The following ACSM2B variants were observed in gnomAD, a reference collection of about 807,000 sequenced individuals.
The protein encoded by ACSM2B is acyl-coenzyme A synthetase ACSM2B, mitochondrial.
A neutral mutation model predicts 78.6 loss-of-function variants in ACSM2B; 58 were observed. That is an observed-to-expected ratio of 0.74 (90% confidence interval 0.60 to 0.92). ACSM2B has a LOEUF of 0.92. Ranked by LOEUF, ACSM2B falls within the 40% of genes least tolerant of loss-of-function variation. The pLI, the probability that ACSM2B is intolerant of heterozygous loss-of-function variation, is 0.00. For missense variants in ACSM2B, 688 were observed against 711.2 expected (o/e 0.97, Z 0.37); for synonymous variants, 257 against 256.8 (o/e 1.00, Z -0.01).
chr16:20,570,954 T>C (rs1430688190), intron 1 of ACSM2B, among the ~76,000 whole-genome samples: 2 of 151,584 alleles, frequency 1.3e-5, no homozygotes, highest in East Asian at 3.9e-4. Context: ...TATTTGGATT[T>C]TCTCTCTTCT....
Position 20,546,431 on chromosome 16 carries a change from C to A in ACSM2B, c.1142G>T (p.Gly381Val). 6.2e-7 allele frequency: 1 copy of A among 1,609,878 alleles called. No homozygotes were observed. Among genetic ancestry groups the A allele is most frequent in the Non-Finnish European group, 8.5e-7 (1 of 1,177,134 alleles). ...ACAGGAAGCAGCCGTTCCCATGTAT[C>A]CTGGTTTGATTTTCATTGTCTTGGA... ...MVSKTMKIKP[G>V]YMGTAASCYD... Residue 381 changes from glycine to valine, a missense_variant, in exon 9 of 14, where the codon GGA becomes GTA. Coordinates refer to ENST00000329697, the MANE Select transcript of ACSM2B (RefSeq NM_001105069.2).
chr16:20,569,545 G>A (rs1236935650), intron 1 of ACSM2B, among the ~76,000 whole-genome samples: 3 of 151,724 alleles, frequency 2.0e-5, no homozygotes, highest in African/African-American at 4.8e-5. Context: ...GTCTTGCTTT[G>A]GCTATGATGA....
rs536579577 is a variant in ACSM2B, at chr16:20,549,755, A to G, written c.895-1282T>C. On this transcript the variant is annotated intron_variant, in intron 6 of 13. Transcript: ENST00000329697. ...TTTAGGGAGACATAAGACATCAATC[A>G]AACACATTTAAAAAATACATTGGTT... 3.6e-4 allele frequency: 161 copies of G among 450,404 alleles called. 1 individual carries two copies. Among genetic ancestry groups the G allele is most frequent in the South Asian group, 2.2e-3 (141 of 63,436 alleles). The allele number at this position is 450,404 out of a possible 1,614,324, so 27.9% of individuals were successfully genotyped here.
chr16:20,572,677 C>G (rs1292336278), intron 1 of ACSM2B, among the ~76,000 whole-genome samples: 1 of 151,200 alleles, frequency 6.6e-6, no homozygotes, highest in Non-Finnish European at 1.5e-5. Context: ...ATTTCCCAAA[C>G]TTTTAGATGT....
intron 1 of ACSM2B, chr16:20,575,349 T>A (rs1292313572): frequency 6.6e-6 from 1 of 151,738 alleles, no homozygotes; most frequent in African/African-American, 2.4e-5. Flanking sequence ...TTACTAAGTA[T>A]TAACATATGT....
rs761259571 is a variant in ACSM2B, at chr16:20,555,481, A to G, written c.389-5T>C. ...TTCCAGGCATAAAGATGAGACCTAA[A>G]GAAGCCAACAATTTAGAGAATTGGA... On this transcript the variant is annotated splice_region_variant and splice_polypyrimidine_tract_variant and intron_variant, in intron 3 of 13. Coordinates refer to ENST00000329697, the MANE Select transcript of ACSM2B (RefSeq NM_001105069.2). The G allele has an allele frequency of 1.2e-6, 2 of 1,611,756 alleles. No individual in the cohort carries two copies. The highest frequency in any genetic ancestry group is 1.1e-5 in the South Asian group (1 of 90,994).
intron 1 of ACSM2B, among the ~76,000 whole-genome samples, chr16:20,565,315 G>A (rs2015792406): frequency 6.6e-6 from 1 of 152,158 alleles, no homozygotes; most frequent in Non-Finnish European, 1.5e-5. Flanking sequence ...TCAATGAGAT[G>A]TGAGTGTCTG....
chr16:20,566,750 C>CTG (rs1491549098), intron 1 of ACSM2B, among the ~76,000 whole-genome samples: 1 of 42,442 alleles, frequency 2.4e-5, no homozygotes, highest in East Asian at 1.8e-3. Flanking sequence ...ACTATATATA[C>CTG]TATATATAGT....
intron 1 of ACSM2B, among the ~76,000 whole-genome samples, chr16:20,569,077 A>G (rs937483266): frequency 4.0e-5 from 6 of 151,792 alleles, no homozygotes; most frequent in African/African-American, 1.5e-4. Context: ...CTTAAGTCCC[A>G]TCTATTTATC....
At chr16:20,564,298 C>T (rs932632714) in intron 2 of ACSM2B, among the ~76,000 whole-genome samples, 7 of 151,630 alleles carry the variant, frequency 4.6e-5, no homozygotes, top group Non-Finnish European at 7.4e-5. Flanking sequence ...CAGAGTCTCG[C>T]TGTGTTGCCC....
chr16:20,566,127 T>A (rs1332245774), intron 1 of ACSM2B, among the ~76,000 whole-genome samples: 2 of 145,808 alleles, frequency 1.4e-5, no homozygotes, highest in Non-Finnish European at 3.0e-5. Flanking sequence ...AAAATTCTAT[T>A]TTTATATATA....
chr16:20,540,223 T>TG (rs2014947256), intron 13 of ACSM2B, among the ~76,000 whole-genome samples: 6 of 52,896 alleles, frequency 1.1e-4, no homozygotes, highest in Non-Finnish European at 3.1e-4. Flanking sequence ...GTTTTTTTTT[T>TG]GTTTTTTTTT....
At chr16:20,555,535 G>T (rs1473404795) in intron 3 of ACSM2B, 59 bp from the exon 4 acceptor site, 1 of 1,604,414 alleles carries the variant, frequency 6.2e-7, no homozygotes, top group East Asian at 2.2e-5. Context: ...CCCTAGAGAA[G>T]CCTGAGATAA....
At chr16:20,541,285 T>C (rs2152131440) in intron 12 of ACSM2B, 1 of 158,660 alleles carries the variant, frequency 6.3e-6, no homozygotes, top group East Asian at 1.8e-4. Flanking sequence ...TTCTGTGTGA[T>C]GTGTTCTGTA....
chr16:20,567,572 T>G (rs1567219422), intron 1 of ACSM2B, among the ~76,000 whole-genome samples: 1 of 132,604 alleles, frequency 7.5e-6, no homozygotes, highest in Non-Finnish European at 1.6e-5. Context: ...AAATTATATA[T>G]AAAAATATAT....
chr16:20,555,537 C>T (rs953790376), intron 3 of ACSM2B, 61 bp from the exon 4 acceptor site: 11 of 1,603,658 alleles, frequency 6.9e-6, no homozygotes, highest in Admixed American at 5.1e-5. Flanking sequence ...CTAGAGAAGC[C>T]TGAGATAAAC....
At chr16:20,553,598 T>C (rs946143385) in intron 5 of ACSM2B, among the ~76,000 whole-genome samples, 179 bp downstream of exon 5, 4 of 152,204 alleles carry the variant, frequency 2.6e-5, no homozygotes, top group Non-Finnish European at 4.4e-5. Flanking sequence ...AAAATATGTG[T>C]CCCATTGAAG....
intron 2 of ACSM2B, among the ~76,000 whole-genome samples, chr16:20,561,590 T>C (rs2015656518): frequency 6.6e-6 from 1 of 152,140 alleles, no homozygotes; most frequent in African/African-American, 2.4e-5. Flanking sequence ...CATTTCAACA[T>C]GAGATTTGGA....
At chr16:20,549,063 G>A (rs2015228111) in intron 6 of ACSM2B, among the ~76,000 whole-genome samples, 1 of 152,144 alleles carries the variant, frequency 6.6e-6, no homozygotes, top group Non-Finnish European at 1.5e-5. Flanking sequence ...CATGGAGTGT[G>A]CGCTATCATC....
Sources: allele counts gnomAD v4.1 joint callset (sites outside exome capture counted in the v4.1 genomes callset), GRCh38; gene constraint gnomAD v4.1.1; transcripts MANE v1.5; gene names NCBI Gene and HGNC (gene_info 2026-07-23, HGNC 2026-07-21).